Variants in MACROD2 observed in about 807,000 individuals in gnomAD.
The protein encoded by MACROD2 is ADP-ribose glycohydrolase MACROD2.
A neutral mutation model predicts 70.4 loss-of-function variants in MACROD2; 36 were observed. The observed-to-expected ratio is 0.51, with a 90% CI of 0.39 to 0.68. MACROD2 has a LOEUF of 0.68. Among genes scored for constraint, MACROD2 ranks in the 30% least tolerant of loss-of-function variants. The pLI is 0.00. For missense variants in MACROD2, 496 were observed against 538.4 expected, an observed-to-expected ratio of 0.92 and a Z score of 0.78; for synonymous variants, 172 against 178.8, an observed-to-expected ratio of 0.96 and a Z score of 0.30.
At position 14,111,455 on chromosome 20, in the gene MACROD2, CCCATCTGACAA is replaced by C. The variant is rs1569163469; in HGVS notation, c.271+25728_271+25738del. Among the ~76,000 whole-genome samples the C allele has an allele frequency of 3.3e-5, 5 of 151,944 alleles. No individual in the cohort carries two copies. In the East Asian group the frequency reaches 9.6e-4, roughly 29 times the overall value. On this transcript the variant is annotated intron_variant, in intron 3 of 17. Transcript: ENST00000684519. ...AATGGGTGAAGATATTTGCAAACTA[CCCATCTGACAA>C]GGAATTAATAACCAGAATATGTAAG...
At chr20:15,522,223 C>T (rs1003280090) in intron 8 of MACROD2, among the ~76,000 whole-genome samples, 13 of 152,202 alleles carry the variant, frequency 8.5e-5, no homozygotes, top group Non-Finnish European at 7.3e-5. Flanking sequence ...GCCTCCTTCA[C>T]CTCTCTCTAG....
intron 3 of MACROD2, among the ~76,000 whole-genome samples, chr20:14,388,497 A>G (rs905479680): frequency 9.2e-5 from 14 of 152,220 alleles, no homozygotes; most frequent in Non-Finnish European, 1.9e-4. Flanking sequence ...TGATTAACAC[A>G]TATTTGTATG....
chr20:15,294,409 C>T (rs1234993845), intron 6 of MACROD2, among the ~76,000 whole-genome samples: 1 of 152,152 alleles, frequency 6.6e-6, no homozygotes, highest in African/African-American at 2.4e-5. Context: ...ATTATTTCAG[C>T]CACATCCTTC....
At chr20:14,825,211 T>C (rs1331517808) in intron 5 of MACROD2, among the ~76,000 whole-genome samples, 2 of 151,952 alleles carry the variant, frequency 1.3e-5, no homozygotes, top group African/African-American at 2.4e-5. Flanking sequence ...TCCTGAACAT[T>C]CTAATTAACC....
intron 2 of MACROD2, among the ~76,000 whole-genome samples, chr20:14,034,060 C>T (rs145699822): frequency 0.022 from 3,420 of 152,224 alleles, 137 homozygotes; most frequent in African/African-American, 0.075. Context: ...CAAGCTCCGC[C>T]TCCAGGGTTC....
At chr20:14,530,620 G>A (rs2085291267) in intron 4 of MACROD2, among the ~76,000 whole-genome samples, 1 of 152,252 alleles carries the variant, frequency 6.6e-6, no homozygotes, top group East Asian at 1.9e-4. Flanking sequence ...CAGCTTAAAG[G>A]TCAAAACCTT....
chr20:15,019,175 G>A (rs532380595), intron 5 of MACROD2, among the ~76,000 whole-genome samples: 7 of 151,996 alleles, frequency 4.6e-5, no homozygotes, highest in Middle Eastern at 3.4e-3. Context: ...GCGCGCGCGC[G>A]CGCGGAGAGA....
At chr20:15,503,167 A>G (rs1188764572) in intron 8 of MACROD2, among the ~76,000 whole-genome samples, 1 of 152,222 alleles carries the variant, frequency 6.6e-6, no homozygotes, top group Non-Finnish European at 1.5e-5. Context: ...AAGGATGACA[A>G]CTAAATTTTT....
At chr20:15,508,315 G>T (rs968381091) in intron 8 of MACROD2, among the ~76,000 whole-genome samples, 3 of 150,250 alleles carry the variant, frequency 2.0e-5, no homozygotes, top group Non-Finnish European at 3.0e-5. Flanking sequence ...TGGTTTGGGG[G>T]GTTGGGATTT....
chr20:14,564,502 G>GA (rs1457733119), intron 4 of MACROD2, among the ~76,000 whole-genome samples: 5 of 151,312 alleles, frequency 3.3e-5, no homozygotes, highest in Admixed American at 2.0e-4. Context: ...AACTCAACAA[G>GA]AAAAAAACAA....
At chr20:14,496,285 C>T (rs1188310630) in intron 4 of MACROD2, among the ~76,000 whole-genome samples, 1 of 152,186 alleles carries the variant, frequency 6.6e-6, no homozygotes, top group Admixed American at 6.5e-5. Context: ...GAAAATTTGA[C>T]ACCACATACA....
intron 3 of MACROD2, among the ~76,000 whole-genome samples, chr20:14,239,335 G>A (rs1408845855): frequency 6.6e-6 from 1 of 152,154 alleles, no homozygotes; most frequent in Non-Finnish European, 1.5e-5. Context: ...TTAATATCAA[G>A]TTACCAATGA....
intron 3 of MACROD2, among the ~76,000 whole-genome samples, chr20:14,269,260 G>A (rs1244327337): frequency 1.3e-5 from 2 of 152,174 alleles, no homozygotes; most frequent in African/African-American, 4.8e-5. Context: ...TGGAAAAAGA[G>A]CGTATTATGT....
At chr20:14,834,354 T>A (rs1244952346) in intron 5 of MACROD2, among the ~76,000 whole-genome samples, 2 of 151,802 alleles carry the variant, frequency 1.3e-5, no homozygotes, top group Non-Finnish European at 2.9e-5. Flanking sequence ...CCCAGAAAAC[T>A]GTTTTTATAG....
At chr20:14,931,695 TA>T (rs1258578209) in intron 5 of MACROD2, among the ~76,000 whole-genome samples, 1 of 151,820 alleles carries the variant, frequency 6.6e-6, no homozygotes, top group Non-Finnish European at 1.5e-5. Context: ...GTCCCCGATT[TA>T]AAAAAACAAA....
chr20:15,929,430 T>TTA (rs10659686), intron 10 of MACROD2, among the ~76,000 whole-genome samples: 91,742 of 149,848 alleles, frequency 0.61, 30,251 homozygotes, highest in Non-Finnish European at 0.74. Context: ...GACACTGATT[T>TTA]TATATATATA....
chr20:14,776,207 G>C (rs996394143), intron 5 of MACROD2, among the ~76,000 whole-genome samples: 1 of 151,994 alleles, frequency 6.6e-6, no homozygotes, highest in African/African-American at 2.4e-5. Context: ...GGGATTTTCT[G>C]GAGCCAAAGA....
chr20:14,822,145 C>G (rs967084551), intron 5 of MACROD2, among the ~76,000 whole-genome samples: 3 of 152,026 alleles, frequency 2.0e-5, no homozygotes, highest in African/African-American at 7.2e-5. Context: ...TTGTACAAAA[C>G]AAGACCCTTA....
intron 5 of MACROD2, among the ~76,000 whole-genome samples, chr20:14,694,805 T>C (rs1454212740): frequency 6.6e-6 from 1 of 152,176 alleles, no homozygotes; most frequent in Non-Finnish European, 1.5e-5. Flanking sequence ...TTCCAGTATC[T>C]TGACCTCAGA....
Sources: allele counts gnomAD v4.1 joint callset (sites outside exome capture counted in the v4.1 genomes callset), GRCh38; gene constraint gnomAD v4.1.1; transcripts MANE v1.5; gene names NCBI Gene and HGNC (gene_info 2026-07-23, HGNC 2026-07-21).